TUSC3: variants seen among roughly 807,000 people sequenced by gnomAD.
TUSC3 encodes the protein tumor suppressor candidate 3.
In TUSC3, 45 loss-of-function variants were observed where a neutral mutation model predicts 44.8. That is an observed-to-expected ratio of 1.00 (90% CI 0.79 to 1.29). The LOEUF (loss-of-function observed/expected upper bound fraction) is 1.29, where lower values mean the gene tolerates loss of function less well. Ranked by LOEUF, TUSC3 falls within the 50% of genes most tolerant of loss-of-function variation. TUSC3 has a pLI of 0.00. For missense variants in TUSC3, 519 were observed against 437.9 expected (o/e 1.19, Z -1.65); for synonymous variants, 212 against 152.9 (o/e 1.39, Z -2.85).
intron 1 of TUSC3, among the ~76,000 whole-genome samples, chr8:15,434,925 C>T (rs1311052874): frequency 6.6e-6 from 1 of 151,218 alleles, no homozygotes; most frequent in Non-Finnish European, 1.5e-5. Context: ...TTTCTTAATC[C>T]AGTCTATCAT....
rs1806059220 is a variant in TUSC3, at chr8:15,636,045, T to A, written c.308+12796T>A. The stretch of plus-strand genomic sequence containing the variant: ...GATATGGTTAGGCCAGTGGCAACAG[T>A]CAGTACAAATGTGGGAAGATTTGTC... On this transcript the variant is annotated intron_variant, in intron 2 of 10. Transcript: ENST00000503731. Among the ~76,000 whole-genome samples the A allele has an allele frequency of 2.0e-5, 3 of 152,292 alleles. No individual in the cohort carries two copies. In the South Asian group the frequency reaches 6.2e-4, roughly 32 times the overall value.
At chr8:15,649,410 C>G (rs1254182049) in intron 2 of TUSC3, among the ~76,000 whole-genome samples, 2 of 151,618 alleles carry the variant, frequency 1.3e-5, no homozygotes, top group Admixed American at 6.6e-5. Flanking sequence ...CGGTGAAACC[C>G]CGTCTCTACT....
chr8:15,849,365 C>T, the TUSC3 span, among the ~76,000 whole-genome samples: 3 of 152,150 alleles, frequency 2.0e-5, no homozygotes, highest in African/African-American at 7.2e-5. Flanking sequence ...CAGACACAAA[C>T]TTGATCACCC....
chr8:15,645,273 C>T (rs941144257), intron 2 of TUSC3, among the ~76,000 whole-genome samples: 5 of 152,130 alleles, frequency 3.3e-5, no homozygotes, highest in Admixed American at 2.6e-4. Flanking sequence ...AGTTTATTTT[C>T]TACCCTGAAG....
chr8:15,686,091 G>A (rs1808616639), intron 6 of TUSC3, among the ~76,000 whole-genome samples: 1 of 152,016 alleles, frequency 6.6e-6, no homozygotes, highest in South Asian at 2.1e-4. Flanking sequence ...CTATGTAATG[G>A]CACAAGTCAA....
the TUSC3 span, among the ~76,000 whole-genome samples, chr8:15,781,462 G>C: frequency 1.3e-5 from 2 of 152,044 alleles, no homozygotes; most frequent in African/African-American, 2.4e-5. Flanking sequence ...AGGTAAAGAG[G>C]GAACTTTGAA....
At chr8:15,845,374 C>G in the TUSC3 span, among the ~76,000 whole-genome samples, 1 of 152,206 alleles carries the variant, frequency 6.6e-6, no homozygotes, top group African/African-American at 2.4e-5. Context: ...TCAGAAAATC[C>G]TGAACTCCCT....
At position 15,492,794 on chromosome 8, in the gene TUSC3, AG is replaced by A. The variant is rs1800825305; in HGVS notation, n.189+9312del. On this transcript the variant is annotated intron_variant and non_coding_transcript_variant, in intron 2 of 5. Coordinates refer to the TUSC3 transcript ENST00000503191. The stretch of plus-strand genomic sequence containing the variant: ...CTCCATAAAAAGGAAAAAAAAAAAA[AG>A]TGTAATAATATGTCATTTAACAATA... Among the ~76,000 whole-genome samples, 3 of 149,584 alleles carry A rather than the reference AG, an allele frequency of 2.0e-5. No individual in the cohort carries two copies. The South Asian group carries it at 6.4e-4, about 32-fold the overall frequency.
At chr8:15,651,333 A>G (rs965791811) in intron 3 of TUSC3, among the ~76,000 whole-genome samples, 16 of 152,170 alleles carry the variant, frequency 1.1e-4, no homozygotes, top group African/African-American at 2.7e-4. Context: ...ATTTTTTCCA[A>G]TGTGGCAGAT....
chr8:15,509,878 A>C (rs1801108511), intron 2 of TUSC3, among the ~76,000 whole-genome samples: 1 of 152,204 alleles, frequency 6.6e-6, no homozygotes, highest in South Asian at 2.1e-4. Flanking sequence ...AATTTTAATA[A>C]GTTATTTCCC....
chr8:15,627,120 A>G (rs1033263762), intron 2 of TUSC3, among the ~76,000 whole-genome samples: 2 of 152,194 alleles, frequency 1.3e-5, no homozygotes, highest in Admixed American at 1.3e-4. Context: ...AAGAGGATGG[A>G]GAGATGATGA....
At position 15,540,581 on chromosome 8, in the gene TUSC3, C is replaced by G. The variant is rs773252837; in HGVS notation, c.138+13C>G. 3 of 1,553,242 alleles carry G rather than the reference C, an allele frequency of 1.9e-6. No individual in the cohort carries two copies. The highest frequency in any genetic ancestry group is 1.8e-5 in the Admixed American group (1 of 55,152). ...GAAGAAAAAGGAGGTAGAATGGATC[C>G]CCTTGGCCTTCCCCTGTGGGCGGGG... On this transcript the variant is annotated intron_variant, in intron 1 of 10. Transcript: ENST00000503731.
chr8:15,720,218 A>ACG lies in TUSC3; in HGVS notation c.799-10447_799-10446insGC, dbSNP rs1305589109. Among the ~76,000 whole-genome samples the ACG allele has an allele frequency of 3.2e-3, 485 of 149,594 alleles. 7 individuals are homozygous for ACG. In the East Asian group the frequency reaches 0.034, roughly 11 times the overall value. On this transcript the variant is annotated intron_variant, in intron 6 of 10. Coordinates refer to ENST00000503731, the MANE Select transcript of TUSC3 (RefSeq NM_006765.4). ...TATATATATACACACACACACACAC[A>ACG]CACACACACACACACAGAGAGAACA...
intron 6 of TUSC3, among the ~76,000 whole-genome samples, chr8:15,691,982 T>C (rs1056008569): frequency 1.3e-5 from 2 of 152,272 alleles, no homozygotes; most frequent in African/African-American, 2.4e-5. Flanking sequence ...GGTCTCACCA[T>C]GTTGGCCAGG....
At chr8:15,790,542 T>A in the TUSC3 span, among the ~76,000 whole-genome samples, 3 of 152,052 alleles carry the variant, frequency 2.0e-5, no homozygotes, top group Non-Finnish European at 4.4e-5. Flanking sequence ...CTAATGGGCA[T>A]TGAGGGTAAC....
intron 2 of TUSC3, among the ~76,000 whole-genome samples, chr8:15,493,773 C>G (rs950737): frequency 0.28 from 41,999 of 152,066 alleles, 6,662 homozygotes; most frequent in Admixed American, 0.4. Context: ...CAAAATAAAA[C>G]TTACATTAAG....
chr8:15,426,896 C>G (rs528720436), intron 1 of TUSC3, among the ~76,000 whole-genome samples: 1 of 152,312 alleles, frequency 6.6e-6, no homozygotes, highest in East Asian at 1.9e-4. Flanking sequence ...TTCAAATACA[C>G]TATTAGCCAT....
At chr8:15,452,093 G>C (rs1309615523) in intron 1 of TUSC3, among the ~76,000 whole-genome samples, 1 of 152,126 alleles carries the variant, frequency 6.6e-6, no homozygotes, top group African/African-American at 2.4e-5. Context: ...TGTGACTCTA[G>C]CAACTGAATT....
chr8:15,418,268 A>C (rs1028713301), intron 1 of TUSC3, among the ~76,000 whole-genome samples: 2 of 152,308 alleles, frequency 1.3e-5, no homozygotes, highest in Admixed American at 1.3e-4. Context: ...TTATAACAAT[A>C]GGTGGTATTC....
Sources: allele counts gnomAD v4.1 joint callset (sites outside exome capture counted in the v4.1 genomes callset), GRCh38; gene constraint gnomAD v4.1.1; transcripts MANE v1.5; gene names NCBI Gene and HGNC (gene_info 2026-07-23, HGNC 2026-07-21).